The following ZC2HC1B variants were observed in gnomAD, a reference collection of about 807,000 sequenced individuals.
The protein encoded by ZC2HC1B is zinc finger C2HC-type containing 1B.
ZC2HC1B carries 36 observed loss-of-function variants against 31.0 expected under a neutral mutation model. The ratio of observed to expected loss-of-function variants is 1.16; its 90% CI spans 0.89 to 1.54. The LOEUF (loss-of-function observed/expected upper bound fraction) is 1.54, where lower values mean the gene tolerates loss of function less well. Among genes scored for constraint, ZC2HC1B ranks in the 40% most tolerant of loss-of-function variants. ZC2HC1B has a pLI of 0.00. For missense variants in ZC2HC1B, 260 were observed against 268.6 expected (o/e 0.97, Z 0.22); for synonymous variants, 73 against 88.0 (o/e 0.83, Z 0.95).
rs1328207212 is a variant in ZC2HC1B at position 143,871,858 on chromosome 6, A to T, written c.28+7291A>T. 6.6e-6 allele frequency among the ~76,000 whole-genome samples: 1 copy of T among 152,168 alleles called. No individual in the cohort carries two copies. Among genetic ancestry groups the T allele is most frequent in the Non-Finnish European group, 1.5e-5 (1 of 68,012 alleles). ...CTAAGTATGTCTATGCCAATTTTGC[A>T]TTCTGGCACTGGGGAAATGACCACA... On this transcript the variant is annotated intron_variant, in intron 1 of 7. Transcript: ENST00000237275. This position sits in a 1 kb window ranked among gnomAD's most constrained non-coding sequence, Gnocchi z 4.1.
At chr6:143,891,511 G>C (rs1777602648) in intron 4 of ZC2HC1B, among the ~76,000 whole-genome samples, 1 of 151,990 alleles carries the variant, frequency 6.6e-6, no homozygotes, top group Non-Finnish European at 1.5e-5. Flanking sequence ...GACCAGCTTG[G>C]TCAACACAGT....
intron 4 of ZC2HC1B, among the ~76,000 whole-genome samples, chr6:143,894,413 C>T (rs1157570494): frequency 6.6e-6 from 1 of 152,076 alleles, no homozygotes; most frequent in Non-Finnish European, 1.5e-5. Context: ...AAAATGGATA[C>T]ATTCGTCAAA....
rs575704784 is a variant in ZC2HC1B, at chr6:143,926,390, T to C, written c.599-11259T>C. Among the ~76,000 whole-genome samples, 236 of 152,310 alleles carry C rather than the reference T, an allele frequency of 1.5e-3. 2 individuals are homozygous for C. Among genetic ancestry groups the C allele is most frequent in the African/African-American group, 5.2e-3 (217 of 41,586 alleles). ...TCATTGACCCAATGGCTGTTAAGCA[T>C]GTTATTTAATTTCCATGTATTTGTA... is the stretch of plus-strand genomic sequence containing the variant. On this transcript the variant is annotated intron_variant, in intron 6 of 7. Transcript: ENST00000237275.
intron 5 of ZC2HC1B, 64 bp from the exon 6 acceptor site, chr6:143,902,980 T>C (rs1043861397): frequency 2.7e-6 from 4 of 1,459,004 alleles, no homozygotes; most frequent in Non-Finnish European, 3.8e-6. Flanking sequence ...CTGTACCTCC[T>C]ATGTGGCACC....
rs1172605431 is a variant in ZC2HC1B at position 143,934,109 on chromosome 6, T to C, written c.599-3540T>C. 2.0e-5 allele frequency among the ~76,000 whole-genome samples: 3 copies of C among 152,228 alleles called. No individual in the cohort carries two copies. The highest frequency in any genetic ancestry group is 7.2e-5 in the African/African-American group (3 of 41,460). ...TCAGCTCTAGGTAAGGCTAAATTCTTCTCCCGTAATCTGGATTTTTCAGGT... is the reference window on the plus strand; with the variant it reads ...TCAGCTCTAGGTAAGGCTAAATTCTCCTCCCGTAATCTGGATTTTTCAGGT... On this transcript the variant is annotated intron_variant, in intron 6 of 7. Transcript: ENST00000237275. The surrounding 1 kb of genome is among the most constrained non-coding windows in gnomAD (Gnocchi z 4.6).
intron 4 of ZC2HC1B, among the ~76,000 whole-genome samples, chr6:143,896,679 A>T (rs1022471737): frequency 6.6e-6 from 1 of 152,124 alleles, no homozygotes; most frequent in African/African-American, 2.4e-5. Context: ...TTTCACAACA[A>T]CCCGATGAAA....
chr6:143,887,998 C>A lies in ZC2HC1B; in HGVS notation c.349+1177C>A, dbSNP rs1340924365. The stretch of plus-strand genomic sequence containing the variant: ...ATCCAGAAATTAATCACCAAACCTA[C>A]ATCATGAAACTTGCCCATGCTTTCT... On this transcript the variant is annotated intron_variant, in intron 4 of 7. Coordinates refer to ENST00000237275, the MANE Select transcript of ZC2HC1B (RefSeq NM_001013623.3). The surrounding 1 kb of genome is among the most constrained non-coding windows in gnomAD (Gnocchi z 5.1). Among the ~76,000 whole-genome samples, 2 of 152,038 alleles carry A rather than the reference C, an allele frequency of 1.3e-5. No individual in the cohort carries two copies. The highest frequency in any genetic ancestry group is 2.9e-5 in the Non-Finnish European group (2 of 67,964).
intron 1 of ZC2HC1B, among the ~76,000 whole-genome samples, chr6:143,879,824 A>AT (rs557859315): frequency 0.13 from 6,990 of 53,756 alleles, 1,125 homozygotes; most frequent in Non-Finnish European, 0.17. Flanking sequence ...GTTGTCCCTG[A>AT]TTTTTTTTTT....
intron 6 of ZC2HC1B, among the ~76,000 whole-genome samples, chr6:143,920,839 C>T (rs553750498): frequency 3.4e-5 from 5 of 147,798 alleles, no homozygotes; most frequent in East Asian, 2.0e-4. Flanking sequence ...ACCCAGGAGT[C>T]GGAGGTTACA....
At position 143,911,244 on chromosome 6, in the gene ZC2HC1B, A is replaced by G. The variant is rs1363510501; in HGVS notation, c.598+8092A>G. Among the ~76,000 whole-genome samples the G allele has an allele frequency of 6.6e-6, 1 of 152,136 alleles. No individual in the cohort carries two copies. The highest frequency in any genetic ancestry group is 1.5e-5 in the Non-Finnish European group (1 of 68,028). On this transcript the variant is annotated intron_variant, in intron 6 of 7. Transcript: ENST00000237275. The surrounding 1 kb of genome is among the most constrained non-coding windows in gnomAD (Gnocchi z 4.5). ...GGTTCTTTATCCAGTTTGCTGCTCT[A>G]TATCTTTTAATTGGGGCATTTAGCC...
chr6:143,901,602 A>T (rs934542532), intron 5 of ZC2HC1B, among the ~76,000 whole-genome samples: 4 of 151,990 alleles, frequency 2.6e-5, no homozygotes, highest in Admixed American at 6.6e-5. Flanking sequence ...AACTTGGCCG[A>T]GTTACTTAAA....
Position 143,903,100 on chromosome 6 carries a change from T to G in ZC2HC1B, c.546T>G (p.Ala182=). ...KEPTVTSAVG[A]LLQNRVLVAT... is the part of the protein sequence containing the mutation. The stretch of plus-strand genomic sequence containing the variant: ...CAACTGTTACCAGTGCTGTGGGAGC[T>G]TTGCTGCAGAACAGGGTCCTGGTGG... The change falls in exon 6 of 8, where the codon GCT becomes GCG. Residue 182 remains alanine (A), a synonymous_variant. Transcript: ENST00000237275. This position sits in a 1 kb window ranked among gnomAD's most constrained non-coding sequence, Gnocchi z 4.3. The G allele has an allele frequency of 6.4e-7, 1 of 1,551,828 alleles. No individual in the cohort carries two copies. The highest frequency in any genetic ancestry group is 1.4e-5 in the African/African-American group (1 of 73,040).
intron 6 of ZC2HC1B, among the ~76,000 whole-genome samples, chr6:143,914,063 A>C (rs1391661973): frequency 6.6e-6 from 1 of 151,528 alleles, no homozygotes; most frequent in East Asian, 1.9e-4. Context: ...ATTTTTCTCT[A>C]TTTTTCTATT....
rs1777536179 is a variant in ZC2HC1B at position 143,886,846 on chromosome 6, T to C, written c.349+25T>C. ...GGTGTGTAGACATTTTGGGTTGCTT[T>C]TGAGGCTATGCTTGACTTTTGACCA... On this transcript the variant is annotated intron_variant, in intron 4 of 7. Coordinates refer to ENST00000237275, the MANE Select transcript of ZC2HC1B (RefSeq NM_001013623.3). This position sits in a 1 kb window ranked among gnomAD's most constrained non-coding sequence, Gnocchi z 4.2. 6.7e-7 allele frequency: 1 copy of C among 1,485,620 alleles called. No individual in the cohort carries two copies. The highest frequency in any genetic ancestry group is 9.0e-7 in the Non-Finnish European group (1 of 1,117,182). The allele number at this position is 1,485,620 out of a possible 1,614,324, so 92.0% of individuals were successfully genotyped here.
At position 143,899,813 on chromosome 6, in the gene ZC2HC1B, T is replaced by A. The variant is rs999682443; in HGVS notation, c.489+1122T>A. 2.2e-4 allele frequency among the ~76,000 whole-genome samples: 33 copies of A among 152,218 alleles called. No homozygotes were observed. Among genetic ancestry groups the A allele is most frequent in the African/African-American group, 7.7e-4 (32 of 41,470 alleles). On this transcript the variant is annotated intron_variant, in intron 5 of 7. Transcript: ENST00000237275. The surrounding 1 kb of genome is among the most constrained non-coding windows in gnomAD (Gnocchi z 5.0). ...CATTAGAAGGTTATTGACTATCAACTATGTACCAGAAACTGCGCTAGGTAC... is the reference window on the plus strand; with the variant it reads ...CATTAGAAGGTTATTGACTATCAACAATGTACCAGAAACTGCGCTAGGTAC...
At chr6:143,904,314 T>C (rs1191904378) in intron 6 of ZC2HC1B, among the ~76,000 whole-genome samples, 1 of 152,186 alleles carries the variant, frequency 6.6e-6, no homozygotes, top group Non-Finnish European at 1.5e-5. Flanking sequence ...AATATTCTTT[T>C]CTTTCCTATT....
chr6:143,925,172 T>C (rs1350618320), intron 6 of ZC2HC1B, among the ~76,000 whole-genome samples: 41 of 61,872 alleles, frequency 6.6e-4, no homozygotes, highest in African/African-American at 2.3e-3. Flanking sequence ...TTCCTTTTTT[T>C]TTTTTTTTTT....
At chr6:143,930,773 G>T (rs1778110294) in intron 6 of ZC2HC1B, among the ~76,000 whole-genome samples, 1 of 152,168 alleles carries the variant, frequency 6.6e-6, no homozygotes, top group African/African-American at 2.4e-5. Flanking sequence ...ATGTACTGAG[G>T]CTTATTTTGT....
rs778034815 is a variant in ZC2HC1B at position 143,895,319 on chromosome 6, C to T, written c.350-3233C>T. 1.5e-4 allele frequency among the ~76,000 whole-genome samples: 23 copies of T among 152,084 alleles called. No homozygotes were observed. Among genetic ancestry groups the T allele is most frequent in the African/African-American group, 4.3e-4 (18 of 41,420 alleles). Reference sequence around the variant, plus strand: ...CTGGGATTACAGGCGCCCGCCACCACGCCCAGCTGATTTCTGTATTTTTAG... The same window carrying T: ...CTGGGATTACAGGCGCCCGCCACCATGCCCAGCTGATTTCTGTATTTTTAG... On this transcript the variant is annotated intron_variant, in intron 4 of 7. Coordinates refer to ENST00000237275, the MANE Select transcript of ZC2HC1B (RefSeq NM_001013623.3). The surrounding 1 kb of genome is among the most constrained non-coding windows in gnomAD (Gnocchi z 4.8).
Sources: gnomAD v4.1 joint callset for allele counts (sites outside exome capture counted in the v4.1 genomes callset) on GRCh38, gnomAD v4.1.1 for gene constraint, Gnocchi (gnomAD v3.1) non-coding constraint, MANE v1.5 for transcripts, NCBI Gene and HGNC (gene_info 2026-07-23, HGNC 2026-07-21) for gene names.